EPHA3: variants seen among roughly 807,000 people sequenced by gnomAD.
EPHA3 encodes ephrin type-A receptor 3.
Under a neutral mutation model 107.1 loss-of-function variants are expected in EPHA3, and 42 were observed. That is an observed-to-expected ratio of 0.39 (90% confidence interval 0.31 to 0.51). EPHA3 has a LOEUF of 0.51. Ranked by LOEUF, EPHA3 falls within the 20% of genes least tolerant of loss-of-function variation. The pLI, the probability that EPHA3 is intolerant of heterozygous loss-of-function variation, is 0.78. For missense variants in EPHA3, 1,183 were observed against 1,211.2 expected (o/e 0.98, Z 0.35); for synonymous variants, 461 against 424.8 (o/e 1.09, Z -1.05).
chr3:89,356,150 A>G (rs958557002), intron 5 of EPHA3, among the ~76,000 whole-genome samples: 2 of 150,908 alleles, frequency 1.3e-5, no homozygotes, highest in African/African-American at 4.8e-5. Flanking sequence ...ATGTCCCTAC[A>G]GAGGACATGA....
chr3:89,200,816 T>C (rs145010077), intron 2 of EPHA3, among the ~76,000 whole-genome samples: 189 of 152,268 alleles, frequency 1.2e-3, no homozygotes, highest in African/African-American at 3.5e-3. Context: ...ATCCCAAAGA[T>C]GTGCCCGTTA....
rs1264925408 is a variant in EPHA3 at position 89,365,382 on chromosome 3, C to T, written c.1306+23292C>T. Reference sequence around the variant, plus strand: ...ATCTTTTGGGGGGATTTTGTTAGTCCGCTGGAGTGGACACACACTTACATT... The same window carrying T: ...ATCTTTTGGGGGGATTTTGTTAGTCTGCTGGAGTGGACACACACTTACATT... On this transcript the variant is annotated intron_variant, in intron 5 of 16. Transcript: ENST00000336596. Among the ~76,000 whole-genome samples, 6 of 150,484 alleles carry T rather than the reference C, an allele frequency of 4.0e-5. No individual in the cohort carries two copies. The South Asian group carries it at 6.3e-4, about 16-fold the overall frequency.
At chr3:89,171,818 C>T (rs1317585564) in intron 2 of EPHA3, among the ~76,000 whole-genome samples, 4 of 152,096 alleles carry the variant, frequency 2.6e-5, no homozygotes, top group African/African-American at 7.2e-5. Context: ...AATCAGGAAC[C>T]ACCTTATGAT....
chr3:89,443,521 G>A (rs1376005382), intron 13 of EPHA3, among the ~76,000 whole-genome samples: 5 of 152,068 alleles, frequency 3.3e-5, no homozygotes, highest in Non-Finnish European at 7.4e-5. Flanking sequence ...CATATATTAT[G>A]AAAAACTAGA....
intron 3 of EPHA3, among the ~76,000 whole-genome samples, chr3:89,255,239 C>A (rs1195373770): frequency 2.0e-5 from 3 of 152,132 alleles, no homozygotes; most frequent in African/African-American, 7.2e-5. Context: ...ACACGTATGA[C>A]CACACATTTC....
chr3:89,236,681 T>G (rs569940464), intron 3 of EPHA3, among the ~76,000 whole-genome samples: 4 of 151,890 alleles, frequency 2.6e-5, no homozygotes, highest in Non-Finnish European at 5.9e-5. Context: ...TGTATACATA[T>G]GTAACTAACC....
At chr3:89,184,037 C>T (rs1434972696) in intron 2 of EPHA3, among the ~76,000 whole-genome samples, 2 of 151,590 alleles carry the variant, frequency 1.3e-5, no homozygotes, top group African/African-American at 4.8e-5. Context: ...TGACCTTTTC[C>T]TTTAAATATA....
chr3:89,428,586 T>G (rs1315293169), intron 11 of EPHA3, among the ~76,000 whole-genome samples: 1 of 152,056 alleles, frequency 6.6e-6, no homozygotes, highest in East Asian at 1.9e-4. Context: ...CTGAATTGTT[T>G]TGTAGAACTC....
At position 89,209,947 on chromosome 3, in the gene EPHA3, T is replaced by C; in HGVS notation, c.241T>C (p.Trp81Arg). The change falls in exon 3 of 17, where the codon TGG (tryptophan) becomes CGG (arginine). Residue 81 changes from tryptophan to arginine, a missense_variant. Physicochemically the swap from Trp to Arg is moderately radical, Grantham distance 101. Coordinates refer to ENST00000336596, the MANE Select transcript of EPHA3 (RefSeq NM_005233.6). ...TGTCATGGACCACAGTCAAAACAAT[T>C]GGCTGAGAACAAACTGGGTCCCCAG... is the stretch of plus-strand genomic sequence containing the variant. ...CNVMDHSQNN[W>R]LRTNWVPRNS... The C allele has an allele frequency of 1.2e-6, 2 of 1,613,884 alleles. No individual in the cohort carries two copies. Among genetic ancestry groups the C allele is most frequent in the Non-Finnish European group, 1.7e-6 (2 of 1,179,904 alleles).
intron 2 of EPHA3, among the ~76,000 whole-genome samples, chr3:89,171,339 T>C (rs1343835555): frequency 6.6e-6 from 1 of 152,196 alleles, no homozygotes; most frequent in Non-Finnish European, 1.5e-5. Context: ...AGAACAATAA[T>C]GTCTCAAATT....
chr3:89,410,211 A>G (rs1353851792), intron 9 of EPHA3, among the ~76,000 whole-genome samples: 2 of 151,774 alleles, frequency 1.3e-5, no homozygotes, highest in Non-Finnish European at 2.9e-5. Flanking sequence ...AAAGAAATTC[A>G]CCTTATTTTA....
At chr3:89,228,955 A>G (rs978126248) in intron 3 of EPHA3, among the ~76,000 whole-genome samples, 2 of 151,986 alleles carry the variant, frequency 1.3e-5, no homozygotes, top group African/African-American at 2.4e-5. Context: ...TATGTAGTGA[A>G]GTTAACATGT....
chr3:89,143,396 T>G (rs1704472483), intron 2 of EPHA3, among the ~76,000 whole-genome samples: 1 of 151,462 alleles, frequency 6.6e-6, no homozygotes, highest in African/African-American at 2.4e-5. Flanking sequence ...GTATAAGCAC[T>G]TTTTCCCTAG....
At chr3:89,436,993 C>G (rs1709684860) in intron 13 of EPHA3, among the ~76,000 whole-genome samples, 1 of 152,012 alleles carries the variant, frequency 6.6e-6, no homozygotes, top group African/African-American at 2.4e-5. Flanking sequence ...TGATATTTTC[C>G]ATTATACAAT....
chr3:89,267,902 T>C (rs1015375660), intron 3 of EPHA3, among the ~76,000 whole-genome samples: 16 of 152,176 alleles, frequency 1.1e-4, no homozygotes, highest in African/African-American at 3.9e-4. Context: ...GATAACATTT[T>C]ATTTTAAAAC....
intron 5 of EPHA3, among the ~76,000 whole-genome samples, chr3:89,357,503 T>C (rs2107452877): frequency 6.6e-6 from 1 of 151,346 alleles, no homozygotes; most frequent in Non-Finnish European, 1.5e-5. Context: ...TCACGCTATT[T>C]GAATATACTT....
intron 6 of EPHA3, among the ~76,000 whole-genome samples, chr3:89,396,697 CTAGT>C (rs1227913852): frequency 6.6e-6 from 1 of 152,090 alleles, no homozygotes; most frequent in Non-Finnish European, 1.5e-5. Flanking sequence ...AGAATCACAG[CTAGT>C]TAGTTTCACA....
At chr3:89,432,041 T>C (rs1196347730) in intron 13 of EPHA3, among the ~76,000 whole-genome samples, 3 of 152,146 alleles carry the variant, frequency 2.0e-5, no homozygotes, top group Middle Eastern at 6.3e-3. Context: ...GTATTCTATA[T>C]TGTTGTATCT....
intron 1 of EPHA3, among the ~76,000 whole-genome samples, chr3:89,122,796 T>C (rs1002138434): frequency 6.6e-6 from 1 of 152,220 alleles, no homozygotes; most frequent in African/African-American, 2.4e-5. Context: ...TTTCAAGCCC[T>C]TCTTTTAGTA....
Sources: gnomAD v4.1 joint callset for allele counts (sites outside exome capture counted in the v4.1 genomes callset) on GRCh38, gnomAD v4.1.1 for gene constraint, MANE v1.5 for transcripts, NCBI Gene and HGNC (gene_info 2026-07-23, HGNC 2026-07-21) for gene names.